Variants in ZNF385D observed in about 807,000 individuals in gnomAD.
ZNF385D encodes the protein zinc finger protein 659.
Under a neutral mutation model 35.8 loss-of-function variants are expected in ZNF385D, and 15 were observed. The ratio of observed to expected loss-of-function variants is 0.42; its 90% confidence interval spans 0.28 to 0.64. The LOEUF (loss-of-function observed/expected upper bound fraction) is 0.64, where lower values mean the gene tolerates loss of function less well. Ranked by LOEUF, ZNF385D falls within the 30% of genes least tolerant of loss-of-function variation. The pLI, the probability that ZNF385D is intolerant of heterozygous loss-of-function variation, is 0.23. For missense variants in ZNF385D, 474 were observed against 494.6 expected (o/e 0.96, Z 0.39); for synonymous variants, 212 against 186.8 (o/e 1.13, Z -1.10).
chr3:21,665,145 G>C, intron 1 of ZNF385D, 117 bp from the exon 2 acceptor site: 1 of 1,321,820 alleles, frequency 7.6e-7, no homozygotes, highest in Non-Finnish European at 1.0e-6. Flanking sequence ...AACAAGACAT[G>C]GACTCTATTG....
rs1000539827 is a variant in ZNF385D, at chr3:21,878,778, G to A, written c.326-213750C>T. ...GATTTAAATATTTTAGCTGTAACAC[G>A]ACATGCCTGTCATATAGCATTTTGT... On this transcript the variant is annotated intron_variant, in intron 3 of 5. Transcript: ENST00000494108. Among the ~76,000 whole-genome samples the A allele has an allele frequency of 1.4e-4, 22 of 152,152 alleles. No homozygotes were observed. In the South Asian group the frequency reaches 3.1e-3, roughly 21 times the overall value.
rs867585184 is a variant in ZNF385D at position 21,553,318 on chromosome 3, G to A, written c.276+11256C>T. On this transcript the variant is annotated intron_variant, in intron 3 of 7. Coordinates refer to ENST00000281523, the MANE Select transcript of ZNF385D (RefSeq NM_024697.3). ...CAAGTATCACAGTAATGTTAGTCAT[G>A]TGAATTTTCTCATTTTGCAATGCAT... Among the ~76,000 whole-genome samples, 23 of 152,280 alleles carry A rather than the reference G, an allele frequency of 1.5e-4. No individual in the cohort carries two copies. In the Middle Eastern group the frequency reaches 0.01, roughly 68 times the overall value.
intron 3 of ZNF385D, among the ~76,000 whole-genome samples, chr3:21,886,737 C>T (rs908624123): frequency 6.6e-6 from 1 of 152,084 alleles, no homozygotes; most frequent in South Asian, 2.1e-4. Flanking sequence ...GAATTATAAG[C>T]TGATGGGATT....
intron 3 of ZNF385D, among the ~76,000 whole-genome samples, chr3:21,817,876 C>G (rs1252505483): frequency 1.3e-5 from 2 of 152,256 alleles, no homozygotes; most frequent in Middle Eastern, 3.4e-3. Flanking sequence ...GACACATGCA[C>G]AGGTATGTTT....
intron 3 of ZNF385D, among the ~76,000 whole-genome samples, chr3:21,782,052 C>T (rs1236195674): frequency 1.3e-5 from 2 of 152,072 alleles, no homozygotes; most frequent in African/African-American, 2.4e-5. Flanking sequence ...ATGCTTTGTT[C>T]CTCCTCTGTG....
At chr3:22,222,000 A>G (rs1222517072) in intron 2 of ZNF385D, among the ~76,000 whole-genome samples, 1 of 151,820 alleles carries the variant, frequency 6.6e-6, no homozygotes, top group East Asian at 1.9e-4. Context: ...TTTTTTTAAG[A>G]CAGTCTCATT....
At chr3:22,313,075 AATG>A in intron 2 of ZNF385D, among the ~76,000 whole-genome samples, 1 of 152,264 alleles carries the variant, frequency 6.6e-6, no homozygotes, top group South Asian at 2.1e-4. Context: ...AGCCATAAAA[AATG>A]ATGAGTTCAT....
intron 3 of ZNF385D, among the ~76,000 whole-genome samples, chr3:22,002,751 G>A (rs1420932822): frequency 6.6e-6 from 1 of 151,980 alleles, no homozygotes; most frequent in Non-Finnish European, 1.5e-5. Context: ...AGGATCAAGT[G>A]GTATTTATCC....
At chr3:22,292,775 A>G (rs1434653522) in intron 2 of ZNF385D, among the ~76,000 whole-genome samples, 1 of 152,008 alleles carries the variant, frequency 6.6e-6, no homozygotes, top group African/African-American at 2.4e-5. Context: ...TTTCTGGTTT[A>G]TTTGCCATTG....
intron 2 of ZNF385D, among the ~76,000 whole-genome samples, chr3:22,214,313 G>A (rs1422097399): frequency 2.6e-5 from 4 of 151,960 alleles, no homozygotes; most frequent in Non-Finnish European, 5.9e-5. Context: ...AGCTGAGGAG[G>A]ATGTATGTCG....
intron 4 of ZNF385D, among the ~76,000 whole-genome samples, chr3:21,460,031 A>G (rs1015886689): frequency 6.6e-6 from 1 of 151,948 alleles, no homozygotes; most frequent in African/African-American, 2.4e-5. Flanking sequence ...CACCTGTCAA[A>G]TTTTCTGAGT....
chr3:21,416,571 T>C lies in ZNF385D; in HGVS notation c.*4643A>G, dbSNP rs918934474. On this transcript the variant is annotated 3_prime_UTR_variant, in exon 8 of 8. Coordinates refer to ENST00000281523, the MANE Select transcript of ZNF385D (RefSeq NM_024697.3). ...TTTCACTTCCTGATAGTAGCCTCTC[T>C]AGCTACTGAAGCAAACCATACAAAA... 6.6e-6 allele frequency: 1 copy of C among 152,050 alleles called. No homozygotes were observed. The highest frequency in any genetic ancestry group is 2.4e-5 in the African/African-American group (1 of 41,422). 9.4% of individuals were successfully genotyped at this position (152,050 alleles called of 1,614,324 possible). A position where few individuals can be genotyped will look rare whatever the true frequency, so the allele number is the denominator to read the frequency against.
chr3:21,494,154 A>G (rs1705643146), intron 4 of ZNF385D, among the ~76,000 whole-genome samples: 1 of 152,148 alleles, frequency 6.6e-6, no homozygotes, highest in African/African-American at 2.4e-5. Flanking sequence ...CTTTCCAATT[A>G]CCCACAGAGC....
chr3:21,486,292 C>T (rs564215421), intron 4 of ZNF385D, among the ~76,000 whole-genome samples: 8 of 145,400 alleles, frequency 5.5e-5, no homozygotes, highest in Admixed American at 1.4e-4. Context: ...TATCACTGTA[C>T]GCATTAATTT....
intron 4 of ZNF385D, among the ~76,000 whole-genome samples, chr3:21,494,260 C>T (rs1384007409): frequency 6.6e-6 from 1 of 152,114 alleles, no homozygotes; most frequent in Non-Finnish European, 1.5e-5. Flanking sequence ...TTACCAGCTC[C>T]CATGCAGGTG....
At chr3:21,884,880 G>C (rs967518429) in intron 3 of ZNF385D, among the ~76,000 whole-genome samples, 3 of 150,318 alleles carry the variant, frequency 2.0e-5, no homozygotes, top group African/African-American at 7.4e-5. Context: ...GATCATGAAA[G>C]TATGACCCTC....
intron 2 of ZNF385D, among the ~76,000 whole-genome samples, chr3:22,245,803 G>A (rs938189612): frequency 3.3e-5 from 5 of 151,994 alleles, no homozygotes; most frequent in African/African-American, 1.2e-4. Flanking sequence ...TGTCTTATCA[G>A]GCAAGATGAT....
At chr3:21,482,492 A>G (rs1177238311) in intron 4 of ZNF385D, among the ~76,000 whole-genome samples, 3 of 152,202 alleles carry the variant, frequency 2.0e-5, no homozygotes, top group East Asian at 3.9e-4. Context: ...ATCCTTGCCC[A>G]TGGTCACTGA....
chr3:22,367,491 A>G (rs950545539), intron 2 of ZNF385D, among the ~76,000 whole-genome samples: 4 of 152,194 alleles, frequency 2.6e-5, no homozygotes, highest in African/African-American at 7.2e-5. Flanking sequence ...GGTCCAGTAC[A>G]TGGAACCTTT....
Sources: gnomAD v4.1 joint callset for allele counts (sites outside exome capture counted in the v4.1 genomes callset) on GRCh38, gnomAD v4.1.1 for gene constraint, MANE v1.5 for transcripts, NCBI Gene and HGNC (gene_info 2026-07-23, HGNC 2026-07-21) for gene names.